Variants in DST observed in about 807,000 individuals in gnomAD.
The protein encoded by DST is bullous pemphigoid antigen.
DST carries 253 observed loss-of-function variants against 875.2 expected under a neutral mutation model. That is an observed-to-expected ratio of 0.29 (90% CI 0.26 to 0.32). The LOEUF is 0.32. DST is among the 10% of genes least tolerant of loss of function. The pLI is 1.00. For missense variants in DST, 8,287 were observed against 9,111.6 expected (o/e 0.91, Z 3.68); for synonymous variants, 3,124 against 3,197.1 (o/e 0.98, Z 0.77).
intron 4 of DST, among the ~76,000 whole-genome samples, chr6:56,823,684 C>G (rs1452412490): frequency 6.6e-6 from 1 of 152,192 alleles, no homozygotes; most frequent in African/African-American, 2.4e-5. Context: ...GCTGGGATTA[C>G]AGGGGTGAGC....
In DST at chr6:56,529,509, C is replaced by G; in HGVS notation, c.17534G>C (p.Ser5845Thr). The change falls in exon 66 of 104, where the codon AGC becomes ACC. Residue 5845 changes from serine (S) to threonine (T), a missense_variant. Ser to Thr is a moderately conservative substitution (Grantham distance 58, BLOSUM62 1). Transcript: ENST00000680361. ...GCTGTAATCCTGGACTGAGAGCTTGCTCAGTTTGTCATGCACTTCATTCAG... is the reference window on the plus strand; with the variant it reads ...GCTGTAATCCTGGACTGAGAGCTTGGTCAGTTTGTCATGCACTTCATTCAG... ...NWLNEVHDKL[S>T]KLSVQDYSTE... 1 of 1,610,884 alleles carries G rather than the reference C, an allele frequency of 6.2e-7. No homozygotes were observed.
intron 4 of DST, among the ~76,000 whole-genome samples, chr6:56,762,869 A>C (rs1387876914): frequency 1.2e-5 from 1 of 83,882 alleles, no homozygotes; most frequent in Non-Finnish European, 2.2e-5. Context: ...TTTTTTTTTG[A>C]GACAGAGTTT....
intron 2 of DST, among the ~76,000 whole-genome samples, chr6:56,943,576 G>T (rs1188984339): frequency 6.7e-6 from 1 of 148,436 alleles, no homozygotes; most frequent in Non-Finnish European, 1.5e-5. Context: ...GGGATTACAG[G>T]GGGCCCGCCA....
At chr6:56,596,222 C>A (rs1245620549) in intron 47 of DST, among the ~76,000 whole-genome samples, 1 of 151,752 alleles carries the variant, frequency 6.6e-6, no homozygotes, top group East Asian at 1.9e-4. Flanking sequence ...AGAGACAGGG[C>A]TTCACCATGT....
intron 71 of DST, among the ~76,000 whole-genome samples, chr6:56,516,106 G>A (rs1041839887): frequency 2.1e-5 from 3 of 146,052 alleles, no homozygotes; most frequent in East Asian, 3.9e-4. Flanking sequence ...ATGTGTGTGT[G>A]TATATATATA....
At chr6:56,848,997 C>T (rs1165176745) in intron 4 of DST, among the ~76,000 whole-genome samples, 1 of 151,874 alleles carries the variant, frequency 6.6e-6, no homozygotes, top group African/African-American at 2.4e-5. Flanking sequence ...CAAGATTATG[C>T]CACTGCACTC....
At chr6:56,642,147 A>G (rs188616272) in intron 16 of DST, 46 bp from the exon 17 acceptor site, 7 of 1,472,540 alleles carry the variant, frequency 4.8e-6, no homozygotes, top group African/African-American at 2.8e-5. Context: ...AACAAGTTTC[A>G]AAACAACCTG....
intron 4 of DST, among the ~76,000 whole-genome samples, chr6:56,795,353 C>G (rs2099737922): frequency 2.0e-5 from 3 of 151,870 alleles, no homozygotes; most frequent in African/African-American, 7.3e-5. Flanking sequence ...GAGAGACAAG[C>G]AGAGGAACTA....
rs186800731 is a variant in DST, at chr6:56,856,621, G to T, written c.418-5017C>A. The stretch of plus-strand genomic sequence containing the variant: ...CACTCAAAAAGGAGGAATTGTTCTA[G>T]ATTTAAAAGGACAAAAGAGACACAA... On this transcript the variant is annotated intron_variant, in intron 3 of 103. Transcript: ENST00000680361. Among the ~76,000 whole-genome samples, 1,241 of 152,188 alleles carry T rather than the reference G, an allele frequency of 8.2e-3. 10 individuals are homozygous for T. Among genetic ancestry groups the T allele is most frequent in the Non-Finnish European group, 0.014 (928 of 68,018 alleles).
chr6:56,603,113 G>C, intron 42 of DST, 82 bp from the exon 43 acceptor site: 1 of 1,528,180 alleles, frequency 6.5e-7, no homozygotes, highest in Non-Finnish European at 8.9e-7. Context: ...TTAAGAGTTA[G>C]CACTCTAAAA....
chr6:56,700,245 C>A (rs1200501373), intron 8 of DST, among the ~76,000 whole-genome samples: 1 of 152,154 alleles, frequency 6.6e-6, no homozygotes, highest in South Asian at 2.1e-4. Flanking sequence ...CTCCCACCAG[C>A]CAGTTCATGG....
In DST at chr6:56,710,500, C is replaced by G. The variant is rs574994402; in HGVS notation, c.688-6131G>C. Among the ~76,000 whole-genome samples the G allele has an allele frequency of 2.6e-5, 4 of 152,186 alleles. No homozygotes were observed. In the East Asian group the frequency reaches 7.7e-4, roughly 29 times the overall value. On this transcript the variant is annotated intron_variant, in intron 5 of 103. Transcript: ENST00000680361. ...GAAAATTATAAATTAAAATATTTTT[C>G]AATGCAATTTTTTTACATCAAACAA...
At chr6:56,801,497 A>G (rs2099746800) in intron 4 of DST, among the ~76,000 whole-genome samples, 2 of 152,194 alleles carry the variant, frequency 1.3e-5, no homozygotes, top group African/African-American at 4.8e-5. Context: ...CAAGCTAGTC[A>G]AGGATCTAAA....
Position 56,463,065 on chromosome 6 carries a change from A to G in DST, c.23051T>C (p.Phe7684Ser), listed in dbSNP as rs1173330106. 2.5e-6 allele frequency: 4 copies of G among 1,611,846 alleles called. No homozygotes were observed. Among genetic ancestry groups the G allele is most frequent in the South Asian group, 1.1e-5 (1 of 90,800 alleles). ...TPCKAAECSD[F>S]PVPSAEGTPI... ...CAATACCTCTGCAGATGGCACGGGAAAGTCTGAGCACTCTGCTGCTTTACA... is the reference window on the plus strand; with the variant it reads ...CAATACCTCTGCAGATGGCACGGGAGAGTCTGAGCACTCTGCTGCTTTACA... The change falls in exon 102 of 104, where the codon TTT becomes TCT. Residue 7684 changes from phenylalanine to serine, a missense_variant. By Grantham distance (155) the Phe-to-Ser change is radical. Transcript: ENST00000680361.
At chr6:56,620,438 T>A in intron 36 of DST, 4 of 1,614,222 alleles carry the variant, frequency 2.5e-6, no homozygotes, top group East Asian at 2.2e-5. Context: ...GGTTTCAAGT[T>A]CCCTGCGGTA....
intron 36 of DST, chr6:56,620,175 G>A: frequency 3.1e-6 from 5 of 1,613,470 alleles, no homozygotes; most frequent in Non-Finnish European, 3.4e-6. Flanking sequence ...AGCTTCAAGA[G>A]TTCTTCCTCA....
chr6:56,924,575 T>A (rs527925389), intron 2 of DST, among the ~76,000 whole-genome samples: 2 of 152,194 alleles, frequency 1.3e-5, no homozygotes, highest in Admixed American at 1.3e-4. Context: ...AGCAATTATA[T>A]TGGTTTCTTC....
At chr6:56,591,087 G>A (rs2098265008) in intron 49 of DST, among the ~76,000 whole-genome samples, 1 of 152,202 alleles carries the variant, frequency 6.6e-6, no homozygotes, top group Admixed American at 6.5e-5. Flanking sequence ...TTATTAACCT[G>A]TGAAATGGAA....
At chr6:56,748,537 T>C (rs1470543195) in intron 4 of DST, among the ~76,000 whole-genome samples, 2 of 152,194 alleles carry the variant, frequency 1.3e-5, no homozygotes, top group Non-Finnish European at 2.9e-5. Context: ...TAGTAGGCTC[T>C]CAAGAAATAC....
Sources: gnomAD v4.1 joint callset for allele counts (sites outside exome capture counted in the v4.1 genomes callset) on GRCh38, gnomAD v4.1.1 for gene constraint, MANE v1.5 for transcripts, NCBI Gene and HGNC (gene_info 2026-07-23, HGNC 2026-07-21) for gene names.